The following ATP23 variants were observed in gnomAD, a reference collection of about 807,000 sequenced individuals.
ATP23 encodes the protein ATP23 metallopeptidase and ATP synthase assembly factor homolog, also known as mitochondrial inner membrane protease ATP23 homolog.
ATP23 carries 24 observed loss-of-function variants against 28.5 expected under a neutral mutation model. The ratio of observed to expected loss-of-function variants is 0.84; its 90% confidence interval spans 0.61 to 1.18. The LOEUF (loss-of-function observed/expected upper bound fraction) is 1.18, where lower values mean the gene tolerates loss of function less well. ATP23 is among the 50% of genes most tolerant of loss of function. The probability of loss-of-function intolerance (pLI) is 0.00; values close to 1 mark genes in which losing one functional copy is unlikely to be tolerated. For missense variants in ATP23, 274 were observed against 306.4 expected, an observed-to-expected ratio of 0.89 and a Z score of 0.79; for synonymous variants, 99 against 108.6, an observed-to-expected ratio of 0.91 and a Z score of 0.55.
rs1956819963 is a variant in ATP23 at position 57,951,895 on chromosome 12, G to A, written c.453G>A (p.Glu151=). The A allele has an allele frequency of 1.2e-6, 2 of 1,613,872 alleles. No homozygotes were observed. The highest frequency in any genetic ancestry group is 2.7e-5 in the African/African-American group (2 of 74,888). ...ACATCAGACATTTGGCGTGCTCAGAGGTGAGTTTTATTGTATTTTTCTCCA... is the reference window on the plus strand; with the variant it reads ...ACATCAGACATTTGGCGTGCTCAGAAGTGAGTTTTATTGTATTTTTCTCCA... The part of the protein sequence containing the change: ...FTNIRHLACS[E]VRAANLSGDC... Residue 151 remains glutamate, a splice_region_variant and synonymous_variant, in exon 4 of 6, where the codon GAG becomes GAA. Transcript: ENST00000300145.
chr12:57,950,887 A>G (rs979312872), intron 3 of ATP23, among the ~76,000 whole-genome samples: 1 of 152,214 alleles, frequency 6.6e-6, no homozygotes, highest in African/African-American at 2.4e-5. Context: ...CATTGCATGT[A>G]TGTAAACATT....
At chr12:57,956,201 G>A (rs1956864993) in intron 5 of ATP23, among the ~76,000 whole-genome samples, 1 of 152,160 alleles carries the variant, frequency 6.6e-6, no homozygotes, top group Non-Finnish European at 1.5e-5. Flanking sequence ...GTGGATATGT[G>A]TATGGTTTCC....
chr12:57,958,133 C>G lies in ATP23; in HGVS notation c.*1243C>G, dbSNP rs1466094328. Among the ~76,000 whole-genome samples, 2 of 152,098 alleles carry G rather than the reference C, an allele frequency of 1.3e-5. No homozygotes were observed. Among genetic ancestry groups the G allele is most frequent in the Non-Finnish European group, 2.9e-5 (2 of 68,004 alleles). On this transcript the variant is annotated 3_prime_UTR_variant, in exon 6 of 6. Coordinates refer to ENST00000300145, the MANE Select transcript of ATP23 (RefSeq NM_033276.4). ...GGCTTTCCCCTACTTCCCTGACAAC[C>G]TGCATGACTCCCCAGAGGCAGTCAT...
chr12:57,941,859 A>G lies in ATP23; in HGVS notation c.158A>G (p.Gln53Arg). ...TTCTTCACCAGCAACCAGAAGTGCC[A>G]GCTTAGGCTCCTGAAGACGCTGGAG... The part of the protein sequence containing the change: ...SSFFTSNQKC[Q>R]LRLLKTLETN... The change falls in exon 1 of 6, where the codon CAG (glutamine) becomes CGG (arginine). Residue 53 changes from glutamine (Q) to arginine (R), a missense_variant. Transcript: ENST00000300145. The G allele has an allele frequency of 3.1e-6, 5 of 1,613,716 alleles. No individual in the cohort carries two copies. Among genetic ancestry groups the G allele is most frequent in the Non-Finnish European group, 4.2e-6 (5 of 1,179,870 alleles).
intron 1 of ATP23, 68 bp downstream of exon 1, chr12:57,941,956 C>T (rs1956709028): frequency 4.5e-6 from 7 of 1,571,108 alleles, no homozygotes; most frequent in African/African-American, 1.4e-5. Flanking sequence ...CGAGGAAGGG[C>T]CTGGGCAACA....
rs901733773 is a variant in ATP23 at position 57,957,904 on chromosome 12, G to GGCA, written c.*1015_*1017dup. ...GCCTCCCGGCCAGAACTTGGGAGAG[G>GGCA]GCACAAATCCCATGTGCAGAATCCA... On this transcript the variant is annotated 3_prime_UTR_variant, in exon 6 of 6. Coordinates refer to ENST00000300145, the MANE Select transcript of ATP23 (RefSeq NM_033276.4). Among the ~76,000 whole-genome samples the GGCA allele has an allele frequency of 1.1e-4, 16 of 152,192 alleles. No individual in the cohort carries two copies. Among genetic ancestry groups the GGCA allele is most frequent in the Non-Finnish European group, 2.2e-4 (15 of 68,034 alleles).
At chr12:57,948,315 C>T (rs1956781795) in intron 3 of ATP23, among the ~76,000 whole-genome samples, 2 of 152,092 alleles carry the variant, frequency 1.3e-5, no homozygotes, top group Non-Finnish European at 1.5e-5. Flanking sequence ...CAGAGTCTTA[C>T]TCTGTCACCC....
Position 57,941,570 on chromosome 12 carries a change from C to A in ATP23, c.-132C>A. The A allele has an allele frequency of 7.8e-7, 1 of 1,279,026 alleles. No homozygotes were observed. The highest frequency in any genetic ancestry group is 1.0e-6 in the Non-Finnish European group (1 of 961,104). 79.2% of individuals were successfully genotyped at this position (1,279,026 alleles called of 1,614,324 possible). A position where few individuals can be genotyped will look rare whatever the true frequency, so the allele number is the denominator to read the frequency against. The stretch of plus-strand genomic sequence containing the variant: ...CCCCCTCCCGCCTAACGTCTTCAGC[C>A]CAGCCAGGCTGCCCTTCTTCCCTGC... On this transcript the variant is annotated 5_prime_UTR_variant, in exon 1 of 6. Transcript: ENST00000300145.
chr12:57,956,961 C>A lies in ATP23; in HGVS notation c.*71C>A. On this transcript the variant is annotated 3_prime_UTR_variant, in exon 6 of 6. Transcript: ENST00000300145. ...AAAAAAAATTTGGTTCTCAAGTGAA[C>A]AAACATATAAAATGTAAACAATCCC... is the stretch of plus-strand genomic sequence containing the variant. 7.9e-7 allele frequency: 1 copy of A among 1,269,210 alleles called. No individual in the cohort carries two copies. Among genetic ancestry groups the A allele is most frequent in the Non-Finnish European group, 1.1e-6 (1 of 927,154 alleles). The allele number at this position is 1,269,210 out of a possible 1,614,324, so 78.6% of individuals were successfully genotyped here.
rs371570920 is a variant in ATP23, at chr12:57,941,815, G to A, written c.114G>A (p.Gln38=). Residue 38 remains glutamine (Q), a synonymous_variant, in exon 1 of 6, where the codon CAG becomes CAA. Coordinates refer to ENST00000300145, the MANE Select transcript of ATP23 (RefSeq NM_033276.4). ...FPERLAQGNP[Q]QGFFSSFFTS... ...AGCGTCTGGCCCAGGGGAATCCCCAGCAAGGGTTCTTCTCCAGCTTCTTCA... is the reference window on the plus strand; with the variant it reads ...AGCGTCTGGCCCAGGGGAATCCCCAACAAGGGTTCTTCTCCAGCTTCTTCA... 1.4e-4 allele frequency: 223 copies of A among 1,612,588 alleles called. No individual in the cohort carries two copies. The highest frequency in any genetic ancestry group is 1.7e-4 in the Middle Eastern group (1 of 6,048).
intron 1 of ATP23, among the ~76,000 whole-genome samples, chr12:57,944,359 T>C (rs939676819): frequency 5.9e-5 from 9 of 152,320 alleles, no homozygotes; most frequent in African/African-American, 2.2e-4. Flanking sequence ...GGTTACATCA[T>C]ATAATTGGCT....
At chr12:57,951,064 T>C (rs753725886) in intron 3 of ATP23, among the ~76,000 whole-genome samples, 11 of 152,196 alleles carry the variant, frequency 7.2e-5, no homozygotes, top group Non-Finnish European at 1.6e-4. Context: ...CTATTACTAT[T>C]AGGATCCCTT....
chr12:57,952,765 C>G (rs1352600287), intron 4 of ATP23, among the ~76,000 whole-genome samples: 2 of 152,178 alleles, frequency 1.3e-5, no homozygotes, highest in African/African-American at 4.8e-5. Flanking sequence ...AGAATTAATG[C>G]CTTTTAGCTA....
chr12:57,944,813 C>T (rs531717081), intron 1 of ATP23, among the ~76,000 whole-genome samples: 2 of 152,230 alleles, frequency 1.3e-5, no homozygotes, highest in African/African-American at 4.8e-5. Context: ...TTCCAACCCC[C>T]CAAATCCTTT....
rs138389611 is a variant in ATP23 at position 57,957,232 on chromosome 12, G to A, written c.*342G>A. 2.3e-4 allele frequency: 44 copies of A among 189,706 alleles called. No homozygotes were observed. Among genetic ancestry groups the A allele is most frequent in the African/African-American group, 9.9e-4 (42 of 42,568 alleles). The allele number at this position is 189,706 out of a possible 1,614,324, so 11.8% of individuals were successfully genotyped here. ...TCCATGATGTTGATAGGTGACCACT[G>A]TTGGTATTTACATTAAATGTAAAGA... On this transcript the variant is annotated 3_prime_UTR_variant, in exon 6 of 6. Transcript: ENST00000300145.
chr12:57,951,990 A>T, intron 4 of ATP23, 95 bp downstream of exon 4: 1 of 1,480,128 alleles, frequency 6.8e-7, no homozygotes, highest in African/African-American at 1.4e-5. Flanking sequence ...TTACTGTCAT[A>T]GTTCTACCTT....
At chr12:57,946,942 G>A (rs1956767463) in intron 2 of ATP23, 53 bp from the exon 3 acceptor site, 1 of 1,568,396 alleles carries the variant, frequency 6.4e-7, no homozygotes, top group African/African-American at 1.4e-5. Flanking sequence ...GCCCAGGGCT[G>A]TTTGCCACAT....
chr12:57,941,617 G>A lies in ATP23; in HGVS notation c.-85G>A. On this transcript the variant is annotated 5_prime_UTR_variant, in exon 1 of 6. Transcript: ENST00000300145. ...CTGCGGAGGGAGGGCCTGGGCGGTCGCGTTGGCGGGAGGGAGGTTACCTTT... is the reference window on the plus strand; with the variant it reads ...CTGCGGAGGGAGGGCCTGGGCGGTCACGTTGGCGGGAGGGAGGTTACCTTT... 6.6e-7 allele frequency: 1 copy of A among 1,505,802 alleles called. No individual in the cohort carries two copies. Among genetic ancestry groups the A allele is most frequent in the Non-Finnish European group, 8.9e-7 (1 of 1,129,086 alleles). The allele number at this position is 1,505,802 out of a possible 1,614,324, so 93.3% of individuals were successfully genotyped here.
rs1048204931 is a variant in ATP23, at chr12:57,958,860, A to C, written c.*1970A>C. Among the ~76,000 whole-genome samples, 6 of 152,208 alleles carry C rather than the reference A, an allele frequency of 3.9e-5. No individual in the cohort carries two copies. Among genetic ancestry groups the C allele is most frequent in the African/African-American group, 1.2e-4 (5 of 41,462 alleles). ...ACCCACAAAAAAATCACACTAGTTC[A>C]CCAGCAATGGATTCAAACCAAGAAG... is the stretch of plus-strand genomic sequence containing the variant. On this transcript the variant is annotated 3_prime_UTR_variant, in exon 6 of 6. Coordinates refer to ENST00000300145, the MANE Select transcript of ATP23 (RefSeq NM_033276.4).
Sources: gnomAD v4.1 joint callset for allele counts (sites outside exome capture counted in the v4.1 genomes callset) on GRCh38, gnomAD v4.1.1 for gene constraint, MANE v1.5 for transcripts, NCBI Gene and HGNC (gene_info 2026-07-23, HGNC 2026-07-21) for gene names.